The following NINL variants were observed in gnomAD, a reference collection of about 807,000 sequenced individuals.
The protein encoded by NINL is ninein like.
Under a neutral mutation model 160.3 loss-of-function variants are expected in NINL, and 153 were observed. The ratio of observed to expected loss-of-function variants is 0.95; its 90% CI spans 0.84 to 1.09. NINL has a LOEUF of 1.09. Among genes scored for constraint, NINL ranks in the 50% least tolerant of loss-of-function variants. The probability of loss-of-function intolerance (pLI) is 0.00; values close to 1 mark genes in which losing one functional copy is unlikely to be tolerated. For missense variants in NINL, 1,829 were observed against 1,764.0 expected (o/e 1.04, Z -0.66); for synonymous variants, 800 against 734.8 (o/e 1.09, Z -1.43).
In NINL at chr20:25,458,453, C is replaced by G. The variant is rs138146026; in HGVS notation, c.3773G>C (p.Arg1258Pro). Residue 1258 changes from arginine (R) to proline (P), a missense_variant, in exon 22 of 24, where the codon CGT becomes CCT. Transcript: ENST00000278886. ...GAGCAGGCGATGCAGCTCGGCCACA[C>G]GGTCCTGGGGCACCAGCCGGACCTC... Reference protein sequence around the residue: ...LQEVRLVPQDRVAELHRLLSL... With the variant: ...LQEVRLVPQDPVAELHRLLSL... The G allele has an allele frequency of 1.2e-6, 2 of 1,605,110 alleles. No individual in the cohort carries two copies. The highest frequency in any genetic ancestry group is 1.7e-6 in the Non-Finnish European group (2 of 1,179,920).
In NINL at chr20:25,512,051, G is replaced by C. The variant is rs1482946845; in HGVS notation, c.450+783C>G. On this transcript the variant is annotated intron_variant, in intron 4 of 23. Transcript: ENST00000278886. ...GCCCCATGGACATATTTCTTAACGT[G>C]AAGCCCCACGAGACTCTGGCAGCCA... Among the ~76,000 whole-genome samples, 11 of 152,300 alleles carry C rather than the reference G, an allele frequency of 7.2e-5. No individual in the cohort carries two copies. In the East Asian group the frequency reaches 2.1e-3, roughly 30 times the overall value.
intron 10 of NINL, among the ~76,000 whole-genome samples, chr20:25,495,379 G>A (rs997019406): frequency 3.3e-5 from 5 of 152,310 alleles, no homozygotes; most frequent in Non-Finnish European, 7.4e-5. Context: ...TGGCTCCATC[G>A]CGCATAGCTC....
At position 25,461,569 on chromosome 20, in the gene NINL, G is replaced by T; in HGVS notation, c.3649C>A (p.Leu1217Met). The change falls in exon 21 of 24, where the codon CTG becomes ATG. Residue 1217 changes from leucine (L) to methionine (M), a missense_variant. Transcript: ENST00000278886. ...CLNQEHQSLQLPWSELTQTLE... is the reference protein window; with the variant it reads ...CLNQEHQSLQMPWSELTQTLE... ...GTCTGGGTCAGCTCTGACCATGGCAGCTGCAGGCTCTGATGTTCCTGATTC... is the reference window on the plus strand; with the variant it reads ...GTCTGGGTCAGCTCTGACCATGGCATCTGCAGGCTCTGATGTTCCTGATTC... 6.2e-7 allele frequency: 1 copy of T among 1,606,688 alleles called. No homozygotes were observed. Among genetic ancestry groups the T allele is most frequent in the African/African-American group, 1.3e-5 (1 of 74,468 alleles).
At chr20:25,564,176 G>A (rs1287778776) in intron 1 of NINL, among the ~76,000 whole-genome samples, 1 of 148,150 alleles carries the variant, frequency 6.7e-6, no homozygotes, top group Non-Finnish European at 1.5e-5. Context: ...TTGAGATGGA[G>A]TCTTGCTCTG....
chr20:25,453,925 G>A (rs941732195), intron 23 of NINL, among the ~76,000 whole-genome samples: 4 of 152,036 alleles, frequency 2.6e-5, no homozygotes, highest in African/African-American at 9.7e-5. Context: ...GGTGGCGGGC[G>A]CCTGTAGTCC....
intron 3 of NINL, among the ~76,000 whole-genome samples, chr20:25,513,552 C>T (rs1448128092): frequency 6.6e-6 from 1 of 152,236 alleles, no homozygotes. Flanking sequence ...AGCACACTCT[C>T]ACCAGAAGGG....
rs115242644 is a variant in NINL, at chr20:25,484,684, G to C, written c.1678-2584C>G. ...TGGACGGACAGGATTTCTCTAGCTT[G>C]AGTAGAATGCCAATGGCATGGACAG... On this transcript the variant is annotated intron_variant, in intron 13 of 23. Coordinates refer to ENST00000278886, the MANE Select transcript of NINL (RefSeq NM_025176.6). 1.3e-5 allele frequency among the ~76,000 whole-genome samples: 2 copies of C among 152,224 alleles called. 1 individual carries two copies. Among genetic ancestry groups the C allele is most frequent in the South Asian group, 4.1e-4 (2 of 4,830 alleles).
chr20:25,580,484 G>C (rs1201953577), intron 1 of NINL, among the ~76,000 whole-genome samples: 1 of 152,096 alleles, frequency 6.6e-6, no homozygotes, highest in African/African-American at 2.4e-5. Context: ...AAATGACTTC[G>C]ACTCCAGGGA....
rs140260929 is a variant in NINL, at chr20:25,578,054, A to C, written c.-12+7401T>G. ...TCCACGTTGGTCAGGCTGGTCTTGAACTCTCAACCTCAGGTGATCTGCCTG... is the reference window on the plus strand; with the variant it reads ...TCCACGTTGGTCAGGCTGGTCTTGACCTCTCAACCTCAGGTGATCTGCCTG... On this transcript the variant is annotated intron_variant, in intron 1 of 23. Coordinates refer to ENST00000278886, the MANE Select transcript of NINL (RefSeq NM_025176.6). 8.9e-3 allele frequency among the ~76,000 whole-genome samples: 1,299 copies of C among 146,392 alleles called. 10 individuals carry two copies. The highest frequency in any genetic ancestry group is 0.016 in the Admixed American group (239 of 14,698).
intron 22 of NINL, among the ~76,000 whole-genome samples, chr20:25,457,943 T>C (rs1424490842): frequency 6.6e-6 from 1 of 151,928 alleles, no homozygotes; most frequent in Admixed American, 6.6e-5. Flanking sequence ...AGCTGGGAGG[T>C]AGTGGGCGGG....
rs753465886 is a variant in NINL, at chr20:25,512,920, T to C, written c.364A>G (p.Thr122Ala). 2.8e-5 allele frequency: 46 copies of C among 1,614,068 alleles called. No homozygotes were observed. Among genetic ancestry groups the C allele is most frequent in the Non-Finnish European group, 3.8e-5 (45 of 1,180,032 alleles). The change falls in exon 4 of 24, where the codon ACA (threonine) becomes GCA (alanine). Residue 122 changes from threonine to alanine, a missense_variant. By Grantham distance (58) the Thr-to-Ala change is moderately conservative. Transcript: ENST00000278886. ...RSRPELCDAA[T>A]EARRVPEQQT... Reference sequence around the variant, plus strand: ...TGCTCCGGCACGCGTCTGGCTTCTGTGGCAGCGTCACATAGCTCAGGCCGG... The same window carrying C: ...TGCTCCGGCACGCGTCTGGCTTCTGCGGCAGCGTCACATAGCTCAGGCCGG...
In NINL at chr20:25,476,812, G is replaced by A; in HGVS notation, c.2479C>T (p.Gln827Ter). 3 of 1,613,072 alleles carry A rather than the reference G, an allele frequency of 1.9e-6. No homozygotes were observed. The highest frequency in any genetic ancestry group is 1.7e-5 in the Admixed American group (1 of 60,014). ...VDGPSLEAEM[Q>*]ALPKDGLVAG... The stretch of plus-strand genomic sequence containing the variant: ...ACCAGCCCATCTTTCGGCAGGGCCT[G>A]CATCTCTGCTTCCAGGGAGGGCCCG... The change falls in exon 17 of 24, where the codon CAG becomes TAG. Residue 827 changes from glutamine (Q) to a stop codon, truncating the protein, a stop_gained. Coordinates refer to ENST00000278886, the MANE Select transcript of NINL (RefSeq NM_025176.6). LOFTEE classifies it high-confidence loss of function.
chr20:25,498,847 G>A, intron 8 of NINL: 1 of 961,142 alleles, frequency 1.0e-6, no homozygotes, highest in Non-Finnish European at 1.2e-6. Flanking sequence ...TCCAGAGCGG[G>A]GTGTTCCTCC....
At chr20:25,543,754 T>A (rs1336560965) in intron 1 of NINL, among the ~76,000 whole-genome samples, 1 of 152,104 alleles carries the variant, frequency 6.6e-6, no homozygotes, top group African/African-American at 2.4e-5. Flanking sequence ...AGTGTAACAT[T>A]TGTAACTCCA....
At chr20:25,459,410 A>G (rs1568831886) in intron 21 of NINL, among the ~76,000 whole-genome samples, 1 of 152,112 alleles carries the variant, frequency 6.6e-6, no homozygotes, top group Non-Finnish European at 1.5e-5. Context: ...GACGGGGGTC[A>G]CCCCAGAGAG....
intron 13 of NINL, among the ~76,000 whole-genome samples, chr20:25,484,780 C>A (rs986271162): frequency 2.6e-5 from 4 of 152,194 alleles, no homozygotes; most frequent in African/African-American, 7.2e-5. Flanking sequence ...AGGCAAGAAT[C>A]ACCAGTGATG....
At chr20:25,480,062 C>T (rs1392156453) in intron 15 of NINL, 99 bp downstream of exon 15, 1 of 847,120 alleles carries the variant, frequency 1.2e-6, no homozygotes, top group Non-Finnish European at 2.0e-6. Context: ...CAAAGGATTC[C>T]AGGGCAGACG....
At position 25,491,136 on chromosome 20, in the gene NINL, AG is replaced by A. The variant is rs138159698; in HGVS notation, c.1485+214del. Among the ~76,000 whole-genome samples, 315 of 152,296 alleles carry A rather than the reference AG, an allele frequency of 2.1e-3. 3 individuals carry two copies. Among genetic ancestry groups the A allele is most frequent in the African/African-American group, 7.2e-3 (299 of 41,558 alleles). ...CAGAAAGTGGGAGTGGTGGGGAAGG[AG>A]GGGCAATGTCCTGCTGGCAAGCCAG... On this transcript the variant is annotated intron_variant, in intron 11 of 23. Coordinates refer to ENST00000278886, the MANE Select transcript of NINL (RefSeq NM_025176.6).
chr20:25,476,881 G>A lies in NINL; in HGVS notation c.2410C>T (p.Leu804Phe). 1 of 1,613,334 alleles carries A rather than the reference G, an allele frequency of 6.2e-7. No homozygotes were observed. The highest frequency in any genetic ancestry group is 8.5e-7 in the Non-Finnish European group (1 of 1,179,892). ...KRAQMCVSLA[L>F]EEEELELARG... is the part of the protein sequence containing the mutation. ...GCAAGCTCCAACTCCTCCTCCTCGAGGGCCAACGATACGCACATCTGGGCG... is the reference window on the plus strand; with the variant it reads ...GCAAGCTCCAACTCCTCCTCCTCGAAGGCCAACGATACGCACATCTGGGCG... The change falls in exon 17 of 24, where the codon CTC becomes TTC. Residue 804 changes from leucine (L) to phenylalanine (F), a missense_variant. By Grantham distance (22) the Leu-to-Phe change is conservative (BLOSUM62 0). Coordinates refer to ENST00000278886, the MANE Select transcript of NINL (RefSeq NM_025176.6).
Sources: allele counts gnomAD v4.1 joint callset (sites outside exome capture counted in the v4.1 genomes callset), GRCh38; gene constraint gnomAD v4.1.1; transcripts MANE v1.5; gene names NCBI Gene and HGNC (gene_info 2026-07-23, HGNC 2026-07-21).